The following MAGI2 variants were observed in gnomAD, a reference collection of about 807,000 sequenced individuals.
The protein encoded by MAGI2 is membrane-associated guanylate kinase, WW and PDZ domain-containing protein 2.
In MAGI2, 35 loss-of-function variants were observed where a neutral mutation model predicts 133.3. The ratio of observed to expected loss-of-function variants is 0.26; its 90% CI spans 0.20 to 0.35. The LOEUF is 0.35. Among genes scored for constraint, MAGI2 ranks in the 10% least tolerant of loss-of-function variants. The probability of loss-of-function intolerance (pLI) is 1.00; values close to 1 mark genes in which losing one functional copy is unlikely to be tolerated. For synonymous variants in MAGI2, 729 were observed against 710.6 expected (o/e 1.03, Z -0.41); for missense variants, 1,636 against 1,863.4 (o/e 0.88, Z 2.25).
intron 1 of MAGI2, among the ~76,000 whole-genome samples, chr7:79,130,908 CATT>C (rs1820879547): frequency 1.5e-5 from 2 of 137,536 alleles, no homozygotes; most frequent in Non-Finnish European, 3.1e-5. Flanking sequence ...CCAATTCATT[CATT>C]CATTCATTCA....
At chr7:79,021,601 G>A (rs1162697515) in intron 1 of MAGI2, among the ~76,000 whole-genome samples, 1 of 152,214 alleles carries the variant, frequency 6.6e-6, no homozygotes, top group African/African-American at 2.4e-5. Context: ...TTTGGAATGG[G>A]TGTGTTTACT....
At chr7:79,179,469 G>A (rs1301192244) in intron 1 of MAGI2, among the ~76,000 whole-genome samples, 2 of 151,922 alleles carry the variant, frequency 1.3e-5, no homozygotes, top group East Asian at 1.9e-4. Flanking sequence ...AAATGACAAA[G>A]CATTCTTGAA....
intron 1 of MAGI2, among the ~76,000 whole-genome samples, chr7:79,191,581 C>A (rs577613837): frequency 6.6e-6 from 1 of 150,698 alleles, no homozygotes; most frequent in East Asian, 2.0e-4. Flanking sequence ...AAATGCCTGG[C>A]CTGAACATTT....
chr7:79,186,189 AAAATATATATATATATATATATAT>A (rs1401966286), intron 1 of MAGI2, among the ~76,000 whole-genome samples: 21,387 of 104,610 alleles, frequency 0.2, 4,694 homozygotes, highest in African/African-American at 0.54. Flanking sequence ...TTTGCCTGGG[AAAATATATATATATATATATATAT>A]ATATATATAT....
At chr7:79,425,802 G>C (rs34931968) in intron 1 of MAGI2, among the ~76,000 whole-genome samples, 2 of 151,690 alleles carry the variant, frequency 1.3e-5, no homozygotes, top group Admixed American at 1.3e-4. Context: ...GAGGAAAAGA[G>C]GGGGAGAAAG....
intron 2 of MAGI2, among the ~76,000 whole-genome samples, chr7:78,809,166 A>G (rs2151402846): frequency 6.6e-6 from 1 of 152,338 alleles, no homozygotes; most frequent in Middle Eastern, 3.4e-3. Context: ...ATCTGGTCAC[A>G]TCACTGACTC....
chr7:78,074,922 C>T (rs1216846970), intron 21 of MAGI2, among the ~76,000 whole-genome samples: 1 of 152,226 alleles, frequency 6.6e-6, no homozygotes, highest in African/African-American at 2.4e-5. Context: ...TGAGACTGCT[C>T]TCCTTAGAAA....
At chr7:78,620,786 C>G (rs1258489017) in intron 3 of MAGI2, among the ~76,000 whole-genome samples, 4 of 151,972 alleles carry the variant, frequency 2.6e-5, no homozygotes, top group Non-Finnish European at 5.9e-5. Flanking sequence ...ACATTTAACT[C>G]TAGGATCAAT....
chr7:79,151,552 T>C (rs764303254), intron 1 of MAGI2, among the ~76,000 whole-genome samples: 2 of 152,128 alleles, frequency 1.3e-5, no homozygotes, highest in Non-Finnish European at 2.9e-5. Flanking sequence ...AATTAGGTCC[T>C]GATATCAAGT....
intron 6 of MAGI2, among the ~76,000 whole-genome samples, chr7:78,371,699 GTT>G (rs1401705148): frequency 2.6e-5 from 4 of 151,914 alleles, no homozygotes; most frequent in African/African-American, 9.7e-5. Context: ...TGTCCCACTT[GTT>G]ATCATGCAGT....
intron 16 of MAGI2, among the ~76,000 whole-genome samples, chr7:78,151,094 A>ATATTTG (rs1231600278): frequency 7.6e-6 from 1 of 132,116 alleles, no homozygotes; most frequent in Non-Finnish European, 1.6e-5. Flanking sequence ...ATTTATATTT[A>ATATTTG]TATTTATATA....
chr7:78,244,168 A>T (rs945848047), intron 10 of MAGI2, among the ~76,000 whole-genome samples: 21 of 56,608 alleles, frequency 3.7e-4, no homozygotes, highest in Admixed American at 9.2e-4. Context: ...TATTTAAATT[A>T]AAAAAAAAAA....
intron 6 of MAGI2, among the ~76,000 whole-genome samples, chr7:78,455,728 C>G (rs1332521679): frequency 6.6e-6 from 1 of 152,092 alleles, no homozygotes; most frequent in Admixed American, 6.6e-5. Context: ...TGTTATTTCT[C>G]ATGTTCAGTG....
intron 2 of MAGI2, among the ~76,000 whole-genome samples, chr7:78,755,388 G>T (rs559226796): frequency 1.9e-4 from 29 of 152,140 alleles, no homozygotes; most frequent in Non-Finnish European, 3.4e-4. Context: ...GTGGTTTAAT[G>T]TATATTTGCA....
chr7:79,031,989 T>G (rs1425440666), intron 1 of MAGI2, among the ~76,000 whole-genome samples: 2 of 152,168 alleles, frequency 1.3e-5, no homozygotes, highest in African/African-American at 4.8e-5. Context: ...TATGCAAACA[T>G]ATTATATTAC....
At chr7:78,664,408 A>G (rs1344922458) in intron 2 of MAGI2, among the ~76,000 whole-genome samples, 1 of 152,098 alleles carries the variant, frequency 6.6e-6, no homozygotes, top group Non-Finnish European at 1.5e-5. Flanking sequence ...ATTCCATTAT[A>G]ATGGAAACAT....
chr7:78,428,352 A>C (rs1166468150), intron 6 of MAGI2, among the ~76,000 whole-genome samples: 1 of 152,196 alleles, frequency 6.6e-6, no homozygotes, highest in Admixed American at 6.5e-5. Flanking sequence ...ATAACATATA[A>C]AATTTGTTAA....
chr7:78,589,398 G>T (rs1202659853), intron 3 of MAGI2, among the ~76,000 whole-genome samples: 1 of 152,180 alleles, frequency 6.6e-6, no homozygotes, highest in Non-Finnish European at 1.5e-5. Context: ...ATAAGTGATG[G>T]ATTTGGGATT....
At chr7:78,395,188 A>G (rs1465374013) in intron 6 of MAGI2, among the ~76,000 whole-genome samples, 2 of 152,196 alleles carry the variant, frequency 1.3e-5, no homozygotes, top group African/African-American at 4.8e-5. Flanking sequence ...GTTTAATGTA[A>G]GTCACTCTTA....
Sources: allele counts gnomAD v4.1 joint callset (sites outside exome capture counted in the v4.1 genomes callset), GRCh38; gene constraint gnomAD v4.1.1; transcripts MANE v1.5; gene names NCBI Gene and HGNC (gene_info 2026-07-23, HGNC 2026-07-21).